The following MYO16 variants were observed in gnomAD, a reference collection of about 807,000 sequenced individuals.
The protein encoded by MYO16 is myosin XVI, also known as unconventional myosin-XVI.
A neutral mutation model predicts 205.3 loss-of-function variants in MYO16; 94 were observed. The ratio of observed to expected loss-of-function variants is 0.46; its 90% CI spans 0.39 to 0.54. MYO16 has a LOEUF of 0.54. Among genes scored for constraint, MYO16 ranks in the 20% least tolerant of loss-of-function variants. The pLI is 0.00. For missense variants in MYO16, 2,315 were observed against 2,387.5 expected (o/e 0.97, Z 0.63); for synonymous variants, 988 against 954.0 (o/e 1.04, Z -0.66).
intron 22 of MYO16, among the ~76,000 whole-genome samples, chr13:109,013,522 A>G (rs1167683881): frequency 2.0e-5 from 3 of 152,094 alleles, no homozygotes; most frequent in African/African-American, 7.2e-5. Context: ...CTAGTTCTAG[A>G]TCTTTGAGGG....
chr13:108,633,212 T>G (rs1003667421), intron 1 of MYO16, among the ~76,000 whole-genome samples: 8 of 152,176 alleles, frequency 5.3e-5, no homozygotes, highest in South Asian at 2.1e-4. Context: ...GGGGCAGAAC[T>G]AATAAGATAG....
intron 22 of MYO16, among the ~76,000 whole-genome samples, chr13:109,013,406 A>G (rs948689998): frequency 1.6e-4 from 25 of 152,148 alleles, no homozygotes; most frequent in African/African-American, 6.0e-4. Flanking sequence ...TTGTATTGTG[A>G]ATAGTGCCAC....
At chr13:108,803,893 T>C (rs1887036645) in intron 6 of MYO16, among the ~76,000 whole-genome samples, 1 of 152,086 alleles carries the variant, frequency 6.6e-6, no homozygotes, top group South Asian at 2.1e-4. Context: ...TGTGGAAGGG[T>C]GAGGGACATA....
intron 16 of MYO16, among the ~76,000 whole-genome samples, chr13:108,943,467 AT>A (rs888489727): frequency 2.0e-5 from 3 of 150,558 alleles, no homozygotes; most frequent in Non-Finnish European, 3.0e-5. Context: ...TATTTTTTTT[AT>A]TTTTTTTGAG....
At chr13:108,771,711 T>C (rs1885971522) in intron 4 of MYO16, among the ~76,000 whole-genome samples, 1 of 152,234 alleles carries the variant, frequency 6.6e-6, no homozygotes, top group Non-Finnish European at 1.5e-5. Context: ...CATAGTTTTA[T>C]CTTTTCCAGA....
chr13:108,950,298 A>C (rs1409113754), intron 16 of MYO16, among the ~76,000 whole-genome samples: 2 of 152,220 alleles, frequency 1.3e-5, no homozygotes. Flanking sequence ...ACAAAGGACT[A>C]ATATTTAGAA....
At chr13:109,072,734 G>A (rs1292474134) in intron 27 of MYO16, among the ~76,000 whole-genome samples, 2 of 152,070 alleles carry the variant, frequency 1.3e-5, no homozygotes, top group African/African-American at 4.8e-5. Context: ...CTGTGCAGTA[G>A]GTAAGGTTGT....
intron 27 of MYO16, among the ~76,000 whole-genome samples, chr13:109,082,072 A>G (rs142985631): frequency 2.6e-5 from 4 of 152,328 alleles, no homozygotes; most frequent in Non-Finnish European, 5.9e-5. Flanking sequence ...CTCTTTAGAG[A>G]AAATGCTGAC....
At chr13:108,706,768 A>G (rs554105038) in intron 2 of MYO16, among the ~76,000 whole-genome samples, 85 of 152,342 alleles carry the variant, frequency 5.6e-4, no homozygotes, top group Non-Finnish European at 1.1e-3. Context: ...GACTTGGCTT[A>G]CAGTCTTCAG....
At chr13:108,829,201 A>G (rs1440113789) in intron 9 of MYO16, among the ~76,000 whole-genome samples, 1 of 152,126 alleles carries the variant, frequency 6.6e-6, no homozygotes, top group Non-Finnish European at 1.5e-5. Context: ...AGGACATCAG[A>G]GTTTGATGAT....
At chr13:108,540,692 C>T in the MYO16 span, among the ~76,000 whole-genome samples, 1 of 151,956 alleles carries the variant, frequency 6.6e-6, no homozygotes, top group African/African-American at 2.4e-5. Context: ...TACAGCACAC[C>T]AATTTCTTCA....
rs1218443423 is a variant in MYO16 at position 109,055,163 on chromosome 13, T to C, written c.3129+37T>C. 1 of 1,474,300 alleles carries C rather than the reference T, an allele frequency of 6.8e-7. No homozygotes were observed. The highest frequency in any genetic ancestry group is 9.2e-7 in the Non-Finnish European group (1 of 1,081,286). 91.3% of individuals were successfully genotyped at this position (1,474,300 alleles called of 1,614,324 possible). ...TTTCAGATTTCAAAAACTTAATGTA[T>C]GTTTATAGCAACTAAAGAGGGTTTA... On this transcript the variant is annotated intron_variant, in intron 26 of 34. Coordinates refer to ENST00000457511, the MANE Select transcript of MYO16 (RefSeq NM_001198950.3). The surrounding 1 kb of genome is among the most constrained non-coding windows in gnomAD (Gnocchi z 5.0).
At chr13:108,619,276 A>T (rs527561056) in intron 1 of MYO16, among the ~76,000 whole-genome samples, 16 of 152,214 alleles carry the variant, frequency 1.1e-4, no homozygotes, top group Non-Finnish European at 2.4e-4. Context: ...GCCAGTATTC[A>T]TGATATGTTA....
chr13:109,016,875 G>A (rs553315207), intron 22 of MYO16, among the ~76,000 whole-genome samples: 64 of 152,126 alleles, frequency 4.2e-4, no homozygotes, highest in African/African-American at 1.5e-3. Context: ...TGTGAGATGG[G>A]TCTCCTGAAT....
At chr13:108,642,986 A>G (rs569851009) in intron 1 of MYO16, among the ~76,000 whole-genome samples, 13 of 152,090 alleles carry the variant, frequency 8.5e-5, no homozygotes, top group Non-Finnish European at 1.8e-4. Flanking sequence ...GTTTTGGTCT[A>G]TTTTGTTAAG....
intron 27 of MYO16, among the ~76,000 whole-genome samples, chr13:109,083,621 A>T (rs1453115293): frequency 6.6e-6 from 1 of 152,074 alleles, no homozygotes; most frequent in Non-Finnish European, 1.5e-5. Context: ...AAGCTCCATG[A>T]CCTCTAACAT....
chr13:109,150,604 A>C (rs1219875477), intron 32 of MYO16, among the ~76,000 whole-genome samples: 2 of 152,216 alleles, frequency 1.3e-5, no homozygotes, highest in Non-Finnish European at 2.9e-5. Flanking sequence ...AGAGGTTATC[A>C]TTTTTTAGAT....
rs1336481069 is a variant in MYO16 at position 109,127,724 on chromosome 13, C to A, written c.4051+174C>A. Reference sequence around the variant, plus strand: ...AAATATAAATAATATTTATTCAAATCTCTAAGCCTCTTAGGGAAAAGCTAC... The same window carrying A: ...AAATATAAATAATATTTATTCAAATATCTAAGCCTCTTAGGGAAAAGCTAC... On this transcript the variant is annotated intron_variant, in intron 31 of 34. Coordinates refer to ENST00000457511, the MANE Select transcript of MYO16 (RefSeq NM_001198950.3). The surrounding 1 kb of genome is among the most constrained non-coding windows in gnomAD (Gnocchi z 4.2). 6.1e-6 allele frequency: 4 copies of A among 657,224 alleles called. No homozygotes were observed. The highest frequency in any genetic ancestry group is 7.3e-6 in the Non-Finnish European group (3 of 411,378). 40.7% of individuals were successfully genotyped at this position (657,224 alleles called of 1,614,324 possible).
At chr13:108,694,072 G>T (rs1882999382) in intron 2 of MYO16, among the ~76,000 whole-genome samples, 1 of 152,070 alleles carries the variant, frequency 6.6e-6, no homozygotes, top group Non-Finnish European at 1.5e-5. Context: ...AGTATTTCAT[G>T]GTGTACATGT....
Sources: gnomAD v4.1 joint callset for allele counts (sites outside exome capture counted in the v4.1 genomes callset) on GRCh38, gnomAD v4.1.1 for gene constraint, Gnocchi (gnomAD v3.1) non-coding constraint, MANE v1.5 for transcripts, NCBI Gene and HGNC (gene_info 2026-07-23, HGNC 2026-07-21) for gene names.